The following NR3C1 variants were observed in gnomAD, a reference collection of about 807,000 sequenced individuals.
NR3C1 encodes nuclear receptor subfamily 3 group C member 1, also known as glucocorticoid receptor.
A neutral mutation model predicts 74.0 loss-of-function variants in NR3C1; 14 were observed. That is an observed-to-expected ratio of 0.19 (90% CI 0.12 to 0.30). The LOEUF is 0.30. Ranked by LOEUF, NR3C1 falls within the 10% of genes least tolerant of loss-of-function variation. The pLI, the probability that NR3C1 is intolerant of heterozygous loss-of-function variation, is 1.00. For synonymous variants in NR3C1, 308 were observed against 332.5 expected, an observed-to-expected ratio of 0.93 and a Z score of 0.80; for missense variants, 695 against 909.8, an observed-to-expected ratio of 0.76 and a Z score of 3.04.
Position 143,399,988 on chromosome 5 carries a change from G to C in NR3C1, c.852C>G (p.Ile284Met), listed in dbSNP as rs1364105957. Residue 284 changes from isoleucine to methionine, a missense_variant, in exon 2 of 9, where the codon ATC (isoleucine) becomes ATG (methionine). Transcript: ENST00000394464. ...PQVKTEKEDF[I>M]ELCTPGVIKQ... ...TAATTACCCCAGGGGTGCAGAGTTC[G>C]ATGAAATCTTCTTTTTCTGTTTTCA... The C allele has an allele frequency of 1.2e-6, 2 of 1,614,032 alleles. No homozygotes were observed. The highest frequency in any genetic ancestry group is 2.7e-5 in the African/African-American group (2 of 74,916).
intron 2 of NR3C1, among the ~76,000 whole-genome samples, chr5:143,391,820 T>G (rs1838281274): frequency 6.6e-6 from 1 of 152,208 alleles, no homozygotes; most frequent in South Asian, 2.1e-4. Context: ...AAAAGATTCT[T>G]GATTATAGGC....
intron 2 of NR3C1, among the ~76,000 whole-genome samples, chr5:143,372,280 T>A (rs993156663): frequency 2.6e-5 from 4 of 152,188 alleles, no homozygotes; most frequent in Non-Finnish European, 5.9e-5. Context: ...CATATCTGAA[T>A]TGCCAGGATC....
upstream of NR3C1, chr5:143,407,557 G>T (rs1253895702): frequency 1.3e-5 from 2 of 152,182 alleles, no homozygotes; most frequent in Non-Finnish European, 2.9e-5. Context: ...GTGTCTGTTT[G>T]TTCACCCCTG....
intron 1 of NR3C1, among the ~76,000 whole-genome samples, chr5:143,410,769 C>G (rs572131841): frequency 6.6e-6 from 1 of 152,178 alleles, no homozygotes; most frequent in South Asian, 2.1e-4. Context: ...TGCACTATCA[C>G]TTCACCACAA....
chr5:143,396,119 G>T (rs1839138828), intron 2 of NR3C1, among the ~76,000 whole-genome samples: 1 of 151,744 alleles, frequency 6.6e-6, no homozygotes. Flanking sequence ...ACTAGCCATA[G>T]AAACATCGTA....
In NR3C1 at chr5:143,314,143, A is replaced by C. The variant is rs746099055; in HGVS notation, c.1210T>G (p.Ser404Ala). ...GCTGTTGAGGAGCTGGATGGAGGAG[A>C]GCTTACATCTGGTCTCATGCTGGGG... Reference protein sequence around the residue: ...SSPSMRPDVSSPPSSSSTATT... With the variant: ...SSPSMRPDVSAPPSSSSTATT... The change falls in exon 3 of 9, where the codon TCT becomes GCT. Residue 404 changes from serine (S) to alanine (A), a missense_variant. Around this residue, in one of 4 missense-constraint regions of NR3C1, gnomAD observed 497 missense variants for 489.5 expected, o/e 1.02. Transcript: ENST00000394464. 3 of 1,613,542 alleles carry C rather than the reference A, an allele frequency of 1.9e-6. No individual in the cohort carries two copies. Among genetic ancestry groups the C allele is most frequent in the Non-Finnish European group, 2.5e-6 (3 of 1,179,758 alleles).
chr5:143,433,456 A>ATATATATATAATTTGTTTATTTAAAT, intron 1 of NR3C1, among the ~76,000 whole-genome samples: 1 of 46,720 alleles, frequency 2.1e-5, no homozygotes, highest in Non-Finnish European at 6.2e-5. Context: ...TTTAAATTAT[A>ATATATATATAATTTGTTTATTTAAAT]TATATATATA....
At chr5:143,370,041 G>C (rs949736051) in intron 2 of NR3C1, among the ~76,000 whole-genome samples, 1 of 152,140 alleles carries the variant, frequency 6.6e-6, no homozygotes, top group Non-Finnish European at 1.5e-5. Flanking sequence ...ATTCATAGAA[G>C]AGCAGATTAA....
intron 1 of NR3C1, among the ~76,000 whole-genome samples, chr5:143,423,590 C>G (rs1428742995): frequency 1.3e-5 from 2 of 152,024 alleles, no homozygotes; most frequent in African/African-American, 4.8e-5. Context: ...ACCATATTAC[C>G]CAGCAATCCC....
At chr5:143,414,595 G>T (rs1841419924) in intron 1 of NR3C1, among the ~76,000 whole-genome samples, 1 of 152,096 alleles carries the variant, frequency 6.6e-6, no homozygotes, top group Non-Finnish European at 1.5e-5. Context: ...TTTATCACGT[G>T]TGTTTCTGTT....
chr5:143,405,806 C>T (rs1841078408), upstream of NR3C1, among the ~76,000 whole-genome samples: 1 of 152,134 alleles, frequency 6.6e-6, no homozygotes, highest in African/African-American at 2.4e-5. Context: ...TTCTCCTGTC[C>T]CTTGGCACAA....
Position 143,281,623 on chromosome 5 carries a change from A to G in NR3C1, c.*266T>C, listed in dbSNP as rs779218013. Reference sequence around the variant, plus strand: ...CTTTGACTGTGGAGATTACGTCCACATATTAAGGTTTCTAATTTCTGGGAT... The same window carrying G: ...CTTTGACTGTGGAGATTACGTCCACGTATTAAGGTTTCTAATTTCTGGGAT... On this transcript the variant is annotated 3_prime_UTR_variant, in exon 9 of 9. Coordinates refer to ENST00000394464, the MANE Select transcript of NR3C1 (RefSeq NM_000176.3). The G allele has an allele frequency of 2.5e-6, 1 of 397,874 alleles. No individual in the cohort carries two copies. The highest frequency in any genetic ancestry group is 4.7e-6 in the Non-Finnish European group (1 of 213,770). 24.6% of individuals were successfully genotyped at this position (397,874 alleles called of 1,614,324 possible). A position where few individuals can be genotyped will look rare whatever the true frequency, so the allele number is the denominator to read the frequency against.
chr5:143,400,880 G>C (rs941762046), intron 1 of NR3C1, 28 bp from the exon 2 acceptor site: 14 of 1,526,762 alleles, frequency 9.2e-6, no homozygotes, highest in African/African-American at 2.7e-5. Context: ...AAAACGGGGG[G>C]AAAACATCAT....
chr5:143,320,707 A>C (rs561347015), intron 2 of NR3C1, among the ~76,000 whole-genome samples: 1 of 152,352 alleles, frequency 6.6e-6, no homozygotes, highest in South Asian at 2.1e-4. Context: ...TGCTACTTAA[A>C]GTCTAATCTG....
At chr5:143,317,913 T>C (rs1327010097) in intron 2 of NR3C1, among the ~76,000 whole-genome samples, 1 of 152,148 alleles carries the variant, frequency 6.6e-6, no homozygotes, top group African/African-American at 2.4e-5. Context: ...AGCCGCCTCT[T>C]GTGTCTCAGT....
chr5:143,394,790 T>C (rs914940821), intron 2 of NR3C1, among the ~76,000 whole-genome samples: 12 of 151,984 alleles, frequency 7.9e-5, no homozygotes, highest in East Asian at 1.9e-4. Context: ...CTTGTACCTA[T>C]AGTCCTAAAT....
chr5:143,321,543 C>G (rs1255634748), intron 2 of NR3C1, among the ~76,000 whole-genome samples: 1 of 152,186 alleles, frequency 6.6e-6, no homozygotes, highest in Non-Finnish European at 1.5e-5. Flanking sequence ...CCCCCACACA[C>G]TGCTAAAACT....
rs1456434947 is a variant in NR3C1, at chr5:143,278,522, CCAA to C, written c.*3364_*3366del. 1.3e-5 allele frequency: 2 copies of C among 152,200 alleles called. No homozygotes were observed. Among genetic ancestry groups the C allele is most frequent in the East Asian group, 3.9e-4 (2 of 5,182 alleles). 9.4% of individuals were successfully genotyped at this position (152,200 alleles called of 1,614,324 possible). On this transcript the variant is annotated 3_prime_UTR_variant, in exon 9 of 9. Transcript: ENST00000394464. The stretch of plus-strand genomic sequence containing the variant: ...AGTCTGGGAAATTACGAAACTCCAC[CCAA>C]AGGGTTTAAAGTGTCCTCCTTACAC...
intron 2 of NR3C1, among the ~76,000 whole-genome samples, chr5:143,360,148 C>T (rs1831955199): frequency 6.6e-6 from 1 of 151,860 alleles, no homozygotes; most frequent in Non-Finnish European, 1.5e-5. Flanking sequence ...ACTTGGTTGT[C>T]AAAAAAAGCC....
Sources: gnomAD v4.1 joint callset for allele counts (sites outside exome capture counted in the v4.1 genomes callset) on GRCh38, gnomAD v4.1.1 for gene constraint, gnomAD v4.1.1 regional missense constraint, MANE v1.5 for transcripts, NCBI Gene and HGNC (gene_info 2026-07-23, HGNC 2026-07-21) for gene names.